TMEM178A: variants seen among roughly 807,000 people sequenced by gnomAD.
TMEM178A encodes transmembrane protein 178A, also known as transmembrane protein 178.
TMEM178A carries 12 observed loss-of-function variants against 29.1 expected under a neutral mutation model. That is an observed-to-expected ratio of 0.41 (90% CI 0.26 to 0.67). The LOEUF is 0.67. Ranked by LOEUF, TMEM178A falls within the 30% of genes least tolerant of loss-of-function variation. The pLI is 0.29. For synonymous variants in TMEM178A, 210 were observed against 187.2 expected, an observed-to-expected ratio of 1.12 and a Z score of -0.99; for missense variants, 366 against 419.1, an observed-to-expected ratio of 0.87 and a Z score of 1.11.
intron 3 of TMEM178A, among the ~76,000 whole-genome samples, chr2:39,715,781 T>A (rs1291101416): frequency 6.6e-6 from 1 of 152,234 alleles, no homozygotes; most frequent in Non-Finnish European, 1.5e-5. Flanking sequence ...TCTAACATTT[T>A]AAAGATGGCA....
the TMEM178A span, among the ~76,000 whole-genome samples, chr2:39,734,124 T>G: frequency 6.6e-6 from 1 of 152,226 alleles, no homozygotes; most frequent in African/African-American, 2.4e-5. Flanking sequence ...CTATGCTCAC[T>G]ATCTCCAGCT....
intron 1 of TMEM178A, among the ~76,000 whole-genome samples, chr2:39,676,749 G>C (rs1316939027): frequency 2.0e-5 from 3 of 152,222 alleles, no homozygotes; most frequent in African/African-American, 4.8e-5. Context: ...TGAAGCAGCA[G>C]GTGTGTTCAG....
chr2:39,721,488 G>T (rs1380025637), downstream of TMEM178A, among the ~76,000 whole-genome samples: 1 of 152,066 alleles, frequency 6.6e-6, no homozygotes, highest in Non-Finnish European at 1.5e-5. Context: ...GCTATGCTTG[G>T]TTTCTCTTAG....
chr2:39,679,676 G>A (rs1489464916), intron 1 of TMEM178A, among the ~76,000 whole-genome samples: 1 of 152,126 alleles, frequency 6.6e-6, no homozygotes, highest in African/African-American at 2.4e-5. Context: ...TCAGAAGACG[G>A]AAACTCAATA....
chr2:39,702,752 C>A (rs1671842820), intron 1 of TMEM178A, among the ~76,000 whole-genome samples: 1 of 151,182 alleles, frequency 6.6e-6, no homozygotes, highest in Non-Finnish European at 1.5e-5. Context: ...AAAAAGCTTC[C>A]AAAAATCAGA....
the TMEM178A span, among the ~76,000 whole-genome samples, chr2:39,731,352 G>A: frequency 1.3e-5 from 2 of 152,142 alleles, no homozygotes; most frequent in Admixed American, 1.3e-4. Context: ...TGTTTATTGA[G>A]CCCATGATTC....
the TMEM178A span, among the ~76,000 whole-genome samples, chr2:39,725,224 C>G: frequency 3.9e-5 from 6 of 152,250 alleles, no homozygotes; most frequent in Admixed American, 3.3e-4. Context: ...AACCCTATCC[C>G]AAACACCCCT....
At chr2:39,723,947 G>A in the TMEM178A span, among the ~76,000 whole-genome samples, 2 of 152,184 alleles carry the variant, frequency 1.3e-5, no homozygotes, top group African/African-American at 4.8e-5. Flanking sequence ...GGAAGTTACT[G>A]CTCTATAGTT....
chr2:39,731,305 T>C, the TMEM178A span, among the ~76,000 whole-genome samples: 154 of 152,322 alleles, frequency 1.0e-3, 1 homozygote, highest in African/African-American at 3.5e-3. Flanking sequence ...GTTGCTATAA[T>C]AGAATACTTG....
intron 1 of TMEM178A, among the ~76,000 whole-genome samples, chr2:39,675,512 C>T (rs1157683421): frequency 6.6e-6 from 1 of 152,140 alleles, no homozygotes; most frequent in African/African-American, 2.4e-5. Flanking sequence ...GTTGACTTAA[C>T]CACCGATACA....
intron 3 of TMEM178A, among the ~76,000 whole-genome samples, chr2:39,712,041 T>TTGTGTGTGTGTG (rs61303746): frequency 0.21 from 28,683 of 138,974 alleles, 3,637 homozygotes; most frequent in East Asian, 0.49. Context: ...GAATTGCATT[T>TTGTGTGTGTGTG]TGTGTGTGTG....
chr2:39,706,787 G>C (rs529717774), intron 2 of TMEM178A, among the ~76,000 whole-genome samples: 101 of 152,248 alleles, frequency 6.6e-4, no homozygotes, highest in African/African-American at 2.4e-3. Context: ...TCCTGGGCTT[G>C]TCCTCTAGTC....
At chr2:39,706,374 A>G in intron 2 of TMEM178A, among the ~76,000 whole-genome samples, 1 of 152,212 alleles carries the variant, frequency 6.6e-6, no homozygotes, top group Non-Finnish European at 1.5e-5. Context: ...TTCTGAGCAG[A>G]TGTTTCAGAG....
intron 3 of TMEM178A, among the ~76,000 whole-genome samples, chr2:39,708,801 C>T (rs1183570480): frequency 6.6e-6 from 1 of 152,070 alleles, no homozygotes; most frequent in African/African-American, 2.4e-5. Flanking sequence ...GTAGTTTTGT[C>T]TAAAAATGTG....
chr2:39,723,765 T>A, the TMEM178A span, among the ~76,000 whole-genome samples: 1 of 152,142 alleles, frequency 6.6e-6, no homozygotes, highest in African/African-American at 2.4e-5. Flanking sequence ...AAGATTTGGT[T>A]TCCAGCTTGC....
chr2:39,686,963 ATGTGTGTGTGTGTGTGTGTG>A (rs4015737), intron 1 of TMEM178A, among the ~76,000 whole-genome samples: 1,778 of 120,330 alleles, frequency 0.015, 37 homozygotes, highest in African/African-American at 0.047. Context: ...GCACATATGC[ATGTGTGTGTGTGTGTGTGTG>A]TGTGTGTGTG....
chr2:39,696,691 C>G (rs1431703659), intron 1 of TMEM178A, among the ~76,000 whole-genome samples: 2 of 152,140 alleles, frequency 1.3e-5, no homozygotes, highest in African/African-American at 4.8e-5. Flanking sequence ...TAGCATCTTT[C>G]TCATGTTTCT....
At chr2:39,716,621 G>A (rs564823847) in intron 3 of TMEM178A, among the ~76,000 whole-genome samples, 66 of 152,290 alleles carry the variant, frequency 4.3e-4, no homozygotes, top group Non-Finnish European at 8.5e-4. Context: ...GGTGGAGAGC[G>A]AAGGAAAATG....
intron 3 of TMEM178A, among the ~76,000 whole-genome samples, chr2:39,708,409 A>AT (rs956611778): frequency 0.22 from 15,409 of 69,598 alleles, 4,250 homozygotes; most frequent in East Asian, 0.71. Context: ...GAGTGACTTG[A>AT]TTTTTTTTTT....
Sources: allele counts gnomAD v4.1 joint callset (sites outside exome capture counted in the v4.1 genomes callset), GRCh38; gene constraint gnomAD v4.1.1; transcripts MANE v1.5; gene names NCBI Gene and HGNC (gene_info 2026-07-23, HGNC 2026-07-21).